Variants in LRMDA observed in about 807,000 individuals in gnomAD.
LRMDA encodes the protein leucine-rich melanocyte differentiation-associated protein.
In LRMDA, 18 loss-of-function variants were observed where a neutral mutation model predicts 29.8. That is an observed-to-expected ratio of 0.60 (90% CI 0.42 to 0.90). The LOEUF (loss-of-function observed/expected upper bound fraction) is 0.90, where lower values mean the gene tolerates loss of function less well. Ranked by LOEUF, LRMDA falls within the 40% of genes least tolerant of loss-of-function variation. LRMDA has a pLI of 0.00. For missense variants in LRMDA, 273 were observed against 273.9 expected, an observed-to-expected ratio of 1.00 and a Z score of 0.02; for synonymous variants, 125 against 109.4, an observed-to-expected ratio of 1.14 and a Z score of -0.89.
intron 6 of LRMDA, among the ~76,000 whole-genome samples, chr10:76,342,035 G>A (rs1056476381): frequency 6.6e-5 from 10 of 152,266 alleles, no homozygotes; most frequent in African/African-American, 2.2e-4. Flanking sequence ...GGGACCAGAA[G>A]TATTGCTCTG....
At chr10:76,222,576 A>G (rs140885172) in intron 5 of LRMDA, among the ~76,000 whole-genome samples, 2 of 152,360 alleles carry the variant, frequency 1.3e-5, no homozygotes, top group East Asian at 3.9e-4. Flanking sequence ...GTGAGATATC[A>G]TCTCACACCA....
chr10:75,593,074 A>G (rs1186210956), intron 2 of LRMDA, among the ~76,000 whole-genome samples: 1 of 152,152 alleles, frequency 6.6e-6, no homozygotes, highest in Non-Finnish European at 1.5e-5. Context: ...ACACATTGTC[A>G]AAAAACGGAA....
At chr10:75,988,537 T>C (rs758758089) in intron 2 of LRMDA, among the ~76,000 whole-genome samples, 5 of 151,848 alleles carry the variant, frequency 3.3e-5, no homozygotes, top group Non-Finnish European at 5.9e-5. Flanking sequence ...CCAGCTCTCT[T>C]TTCATTTCTC....
chr10:75,827,085 G>A (rs529511257), intron 2 of LRMDA, among the ~76,000 whole-genome samples: 24 of 152,152 alleles, frequency 1.6e-4, no homozygotes, highest in Non-Finnish European at 2.8e-4. Context: ...GCTAAAAAAT[G>A]TAAATTACTT....
chr10:76,348,717 A>G (rs1489299002), intron 6 of LRMDA, among the ~76,000 whole-genome samples: 1 of 152,148 alleles, frequency 6.6e-6, no homozygotes, highest in Admixed American at 6.5e-5. Flanking sequence ...CTAATCTATG[A>G]TTAGGTATTT....
intron 5 of LRMDA, among the ~76,000 whole-genome samples, chr10:76,213,444 C>CA (rs1391434935): frequency 6.6e-6 from 1 of 152,194 alleles, no homozygotes; most frequent in African/African-American, 2.4e-5. Context: ...AAATGCATGA[C>CA]ATAGAGATTT....
chr10:76,281,110 C>G (rs985037527), intron 5 of LRMDA, among the ~76,000 whole-genome samples: 3 of 152,244 alleles, frequency 2.0e-5, no homozygotes, highest in Admixed American at 2.0e-4. Flanking sequence ...TCATTCTGCT[C>G]GTGGTAGAAT....
At chr10:76,155,447 A>G (rs1394318561) in intron 5 of LRMDA, among the ~76,000 whole-genome samples, 2 of 152,222 alleles carry the variant, frequency 1.3e-5, no homozygotes, top group African/African-American at 4.8e-5. Flanking sequence ...GTCTAAGGGT[A>G]GATCGTCACT....
At chr10:75,923,312 T>C (rs1337324679) in intron 2 of LRMDA, among the ~76,000 whole-genome samples, 1 of 152,218 alleles carries the variant, frequency 6.6e-6, no homozygotes, top group Admixed American at 6.5e-5. Context: ...ATTCAACTTG[T>C]TATAGTCAAT....
intron 4 of LRMDA, among the ~76,000 whole-genome samples, chr10:76,055,928 C>T (rs1190543704): frequency 6.6e-6 from 1 of 152,244 alleles, no homozygotes; most frequent in Non-Finnish European, 1.5e-5. Context: ...TGTCTCATCA[C>T]CCACCATGTG....
At chr10:75,932,571 T>G (rs1846223681) in intron 2 of LRMDA, among the ~76,000 whole-genome samples, 1 of 152,098 alleles carries the variant, frequency 6.6e-6, no homozygotes, top group African/African-American at 2.4e-5. Flanking sequence ...ATGATTGTGT[T>G]TCTGCACTCT....
rs1841525739 is a variant in LRMDA at position 76,376,863 on chromosome 10, GTCT to G, written c.601+52380_601+52382del. Reference sequence around the variant, plus strand: ...TCAAATGTTTGTTGGGCACTTGGAAGTCTTTTTTTTTTTTTTTTTTTTTTTTTT... The same window carrying G: ...TCAAATGTTTGTTGGGCACTTGGAAGTTTTTTTTTTTTTTTTTTTTTTTTT... On this transcript the variant is annotated intron_variant, in intron 6 of 6. Transcript: ENST00000611255. Among the ~76,000 whole-genome samples, 6 of 20,502 alleles carry G rather than the reference GTCT, an allele frequency of 2.9e-4. 1 individual carries two copies. Among genetic ancestry groups the G allele is most frequent in the Admixed American group, 5.4e-4 (1 of 1,836 alleles). The allele number at this position is 20,502 out of a possible 152,430, so 13.5% of individuals were successfully genotyped here.
chr10:75,959,799 G>A (rs1347837743), intron 2 of LRMDA, among the ~76,000 whole-genome samples: 1 of 152,158 alleles, frequency 6.6e-6, no homozygotes, highest in African/African-American at 2.4e-5. Context: ...TCAGTATTCA[G>A]TATCAAAGGA....
At chr10:75,994,813 G>A (rs1847431990) in intron 2 of LRMDA, among the ~76,000 whole-genome samples, 1 of 152,166 alleles carries the variant, frequency 6.6e-6, no homozygotes, top group African/African-American at 2.4e-5. Context: ...GTTTCTGATT[G>A]TCTAAATAAC....
intron 2 of LRMDA, among the ~76,000 whole-genome samples, chr10:75,848,975 G>A (rs1374075233): frequency 6.6e-6 from 1 of 152,166 alleles, no homozygotes; most frequent in Non-Finnish European, 1.5e-5. Flanking sequence ...CCAATGGGAG[G>A]CCCTGTCAGG....
chr10:75,878,350 CAGTG>C (rs1035149351), intron 2 of LRMDA, among the ~76,000 whole-genome samples: 3 of 150,422 alleles, frequency 2.0e-5, no homozygotes, highest in Admixed American at 6.6e-5. Flanking sequence ...AAGTAGCTCT[CAGTG>C]AGGTGGATGG....
At chr10:76,309,124 T>C (rs1275918443) in intron 5 of LRMDA, among the ~76,000 whole-genome samples, 1 of 152,124 alleles carries the variant, frequency 6.6e-6, no homozygotes, top group Non-Finnish European at 1.5e-5. Context: ...GAGGCAAAGA[T>C]GGATCATTGG....
intron 5 of LRMDA, among the ~76,000 whole-genome samples, chr10:76,160,195 T>C (rs1170263501): frequency 1.3e-5 from 2 of 151,518 alleles, no homozygotes; most frequent in Admixed American, 1.3e-4. Flanking sequence ...AAAACTGCTC[T>C]AAGAGAAGTC....
intron 5 of LRMDA, among the ~76,000 whole-genome samples, chr10:76,317,039 C>T (rs1176299366): frequency 6.6e-6 from 1 of 152,118 alleles, no homozygotes. Context: ...GACAGTGAAG[C>T]AGGGGAGAAT....
Sources: gnomAD v4.1 joint callset for allele counts (sites outside exome capture counted in the v4.1 genomes callset) on GRCh38, gnomAD v4.1.1 for gene constraint, MANE v1.5 for transcripts, NCBI Gene and HGNC (gene_info 2026-07-23, HGNC 2026-07-21) for gene names.